Variants in SP140 observed in about 807,000 individuals in gnomAD.
SP140 encodes the protein nuclear body protein SP140.
SP140 carries 81 observed loss-of-function variants against 125.0 expected under a neutral mutation model. That is an observed-to-expected ratio of 0.65 (90% confidence interval 0.54 to 0.78). SP140 has a LOEUF of 0.78. SP140 is among the 30% of genes least tolerant of loss of function. The pLI is 0.00. For missense variants in SP140, 858 were observed against 1,037.0 expected (o/e 0.83, Z 2.37); for synonymous variants, 312 against 354.0 (o/e 0.88, Z 1.33).
rs375174898 is a variant in SP140 at position 230,292,720 on chromosome 2, C to T, written c.1900C>T (p.His634Tyr). Residue 634 changes from histidine (H) to tyrosine (Y), a missense_variant, in exon 20 of 27, where the codon CAT becomes TAT. This residue lies in a region of SP140 where 791 missense variants were observed against 869.5 expected (regional missense o/e 0.91). Coordinates refer to ENST00000392045, the MANE Select transcript of SP140 (RefSeq NM_007237.5). ...CACGGAATTTGAAATCAAAGGAGGC[C>T]ATGCAAGATCAAAGAACTGGAGGCT... ...TPTEFEIKGG[H>Y]ARSKNWRLSV... is the part of the protein sequence containing the mutation. The T allele has an allele frequency of 2.0e-5, 33 of 1,614,210 alleles. No individual in the cohort carries two copies. In the African/African-American group the frequency reaches 3.9e-4, roughly 19 times the overall value.
At chr2:230,249,982 C>T (rs1047087559) in intron 9 of SP140, among the ~76,000 whole-genome samples, 2 of 152,214 alleles carry the variant, frequency 1.3e-5, no homozygotes, top group African/African-American at 4.8e-5. Flanking sequence ...TGCAGACCTG[C>T]TTTCCAAGCT....
intron 7 of SP140, among the ~76,000 whole-genome samples, chr2:230,247,012 AATGAGACATGTT>A (rs2049550265): frequency 6.6e-6 from 1 of 152,136 alleles, no homozygotes; most frequent in Non-Finnish European, 1.5e-5. Context: ...CTGGCCCAAG[AATGAGACATGTT>A]AGCAGCGAGT....
upstream of SP140, chr2:230,202,477 T>C (rs2043278934): frequency 9.0e-7 from 1 of 1,108,904 alleles, no homozygotes; most frequent in Non-Finnish European, 1.4e-6. Context: ...TACTTTTTCC[T>C]TTTACTATTG....
intron 25 of SP140, 34 bp from the exon 26 acceptor site, chr2:230,311,418 C>A (rs778684991): frequency 2.6e-6 from 4 of 1,525,840 alleles, no homozygotes; most frequent in South Asian, 2.4e-5. Context: ...CTGAACTATG[C>A]TGGTAGCTTT....
chr2:230,280,055 G>A (rs564754592), intron 15 of SP140, among the ~76,000 whole-genome samples: 1 of 151,950 alleles, frequency 6.6e-6, no homozygotes, highest in African/African-American at 2.4e-5. Context: ...TTTTTATCAA[G>A]CACAACTTTC....
intron 12 of SP140, among the ~76,000 whole-genome samples, chr2:230,259,406 G>A (rs934506037): frequency 3.3e-5 from 5 of 151,916 alleles, no homozygotes; most frequent in Admixed American, 3.3e-4. Flanking sequence ...AGCCGGGCAC[G>A]GTGGCTCACG....
intron 12 of SP140, among the ~76,000 whole-genome samples, chr2:230,265,754 T>G (rs2053003475): frequency 6.6e-6 from 1 of 150,760 alleles, no homozygotes; most frequent in African/African-American, 2.4e-5. Context: ...AGGGTCTCCT[T>G]TTCCCACTTC....
intron 10 of SP140, 91 bp downstream of exon 10, chr2:230,251,152 T>C: frequency 9.6e-7 from 1 of 1,040,480 alleles, no homozygotes; most frequent in East Asian, 2.4e-5. Context: ...TTCCTCCAAG[T>C]ATACTTCACA....
At chr2:230,300,123 G>C (rs773360763) in intron 22 of SP140, among the ~76,000 whole-genome samples, 2 of 152,266 alleles carry the variant, frequency 1.3e-5, no homozygotes, top group Admixed American at 1.3e-4. Context: ...CTTAGGTCAA[G>C]CTTGTATCCC....
At chr2:230,206,286 TAAATTTTCCAGTGATTCTTTGTGACC>T (rs2043791255) in intron 1 of SP140, among the ~76,000 whole-genome samples, 4 of 152,004 alleles carry the variant, frequency 2.6e-5, no homozygotes, top group Admixed American at 2.6e-4. Context: ...AAATTTTTCT[TAAATTTTCCAGTGATTCTTTGTGACC>T]AAACTCAAGG....
intron 1 of SP140, among the ~76,000 whole-genome samples, chr2:230,207,303 A>G (rs2043974918): frequency 1.3e-5 from 2 of 152,170 alleles, no homozygotes; most frequent in Admixed American, 6.5e-5. Flanking sequence ...GGGTTTGTGT[A>G]TGGGAGACAG....
intron 12 of SP140, 94 bp downstream of exon 12, chr2:230,255,626 T>G: frequency 1.8e-6 from 2 of 1,082,506 alleles, no homozygotes; most frequent in Non-Finnish European, 2.8e-6. Context: ...TTCCTCTGCA[T>G]ATACCTCACA....
intron 1 of SP140, among the ~76,000 whole-genome samples, chr2:230,228,552 C>T: frequency 6.6e-6 from 1 of 152,194 alleles, no homozygotes; most frequent in African/African-American, 2.4e-5. Flanking sequence ...GTTTTTGCCT[C>T]ATACATTTTG....
chr2:230,201,353 C>T (rs764177856), upstream of SP140, among the ~76,000 whole-genome samples: 8 of 152,156 alleles, frequency 5.3e-5, no homozygotes, highest in Non-Finnish European at 1.2e-4. Context: ...TTCACTATTT[C>T]AACCTTTGTA....
intron 12 of SP140, among the ~76,000 whole-genome samples, chr2:230,266,541 A>C (rs770818208): frequency 1.4e-4 from 21 of 152,246 alleles, no homozygotes; most frequent in Non-Finnish European, 2.9e-4. Flanking sequence ...CAGTCCTGCC[A>C]GCAGAAGTGT....
At position 230,290,462 on chromosome 2, in the gene SP140, TC is replaced by T. The variant is rs1220511587; in HGVS notation, c.1724del (p.Ser575Ter). On this transcript the variant is annotated frameshift_variant, in exon 19 of 27. Transcript: ENST00000392045. LOFTEE classifies it high-confidence loss of function. ...AATGAAGAAATCCTCTCTTTCAGCT[TC>T]AAGAAAGCACAAAGATGAAACTGTG... Reference protein sequence around the residue: ...AAQKRVRSRASRKHKDETVDF... With the variant: ...AAQKRVRSRAXRKHKDETVDF... The T allele has an allele frequency of 6.2e-7, 1 of 1,613,756 alleles. No individual in the cohort carries two copies. The highest frequency in any genetic ancestry group is 8.5e-7 in the Non-Finnish European group (1 of 1,179,788).
intron 1 of SP140, among the ~76,000 whole-genome samples, chr2:230,234,402 T>C (rs1407528167): frequency 1.3e-5 from 2 of 152,222 alleles, no homozygotes; most frequent in Non-Finnish European, 2.9e-5. Flanking sequence ...GAAAAGAACA[T>C]TGAAAAATGT....
chr2:230,266,687 C>T (rs1207398755), intron 12 of SP140, among the ~76,000 whole-genome samples: 2 of 152,176 alleles, frequency 1.3e-5, no homozygotes, highest in African/African-American at 4.8e-5. Flanking sequence ...AATCCAGTTC[C>T]TCGTGGTTGT....
At chr2:230,297,509 T>C (rs935984798) in intron 22 of SP140, 47 bp downstream of exon 22, 29 of 1,597,384 alleles carry the variant, frequency 1.8e-5, no homozygotes, top group Non-Finnish European at 2.2e-5. Context: ...TCCACTCCTT[T>C]CTCCAGGCAT....
Sources: gnomAD v4.1 joint callset for allele counts (sites outside exome capture counted in the v4.1 genomes callset) on GRCh38, gnomAD v4.1.1 for gene constraint, gnomAD v4.1.1 regional missense constraint, MANE v1.5 for transcripts, NCBI Gene and HGNC (gene_info 2026-07-23, HGNC 2026-07-21) for gene names.